The following LASP1NB variants were observed in gnomAD, a reference collection of about 807,000 sequenced individuals.
The protein encoded by LASP1NB is LASP1 neighbor, also known as LASP1 neighbor protein.
At chr17:38,929,036 C>T in the LASP1NB span, 243 of 152,246 alleles carry the variant, frequency 1.6e-3, no homozygotes, top group African/African-American at 5.7e-3. Context: ...CACTCATACA[C>T]TGGTGATATA....
chr17:38,928,210 T>C, the LASP1NB span: 2 of 152,010 alleles, frequency 1.3e-5, no homozygotes, highest in East Asian at 1.9e-4. Flanking sequence ...TTTAGGGAAG[T>C]AGAAGCAGGA....
At chr17:38,928,482 T>C in the LASP1NB span, 182 of 152,246 alleles carry the variant, frequency 1.2e-3, no homozygotes, top group African/African-American at 3.9e-3. Context: ...TGACACTTTA[T>C]AACAAAAATT....
the LASP1NB span, chr17:38,928,006 C>G: frequency 6.6e-6 from 1 of 152,168 alleles, no homozygotes; most frequent in Admixed American, 6.5e-5. Context: ...CACACCTCTG[C>G]ACTCCAGCCT....
At chr17:38,927,325 GGA>G in the LASP1NB span, 3 of 152,160 alleles carry the variant, frequency 2.0e-5, no homozygotes, top group African/African-American at 7.2e-5. Context: ...AAGTAAACAA[GGA>G]GAGTCAGGAG....
At chr17:38,927,111 T>TGTGTGC in the LASP1NB span, 4 of 142,686 alleles carry the variant, frequency 2.8e-5, no homozygotes, top group African/African-American at 1.2e-4. Context: ...TGTGTGTGTG[T>TGTGTGC]GTGTGTGCGT....
chr17:38,927,974 A>G, the LASP1NB span: 63,079 of 151,762 alleles, frequency 0.42, 13,709 homozygotes, highest in African/African-American at 0.53. Context: ...CCTGGGAGGC[A>G]GAGGTTGCAG....
At chr17:38,927,436 C>A in the LASP1NB span, 3 of 151,858 alleles carry the variant, frequency 2.0e-5, no homozygotes, top group Non-Finnish European at 4.4e-5. Flanking sequence ...CACGGTGAAA[C>A]CCCGTCTCTA....
the LASP1NB span, chr17:38,928,806 T>C: frequency 9.2e-5 from 14 of 152,234 alleles, no homozygotes; most frequent in Non-Finnish European, 7.3e-5. Context: ...AATTTCCGTC[T>C]TCAAGCCAAG....
At chr17:38,925,789 C>T in the LASP1NB span, 7 of 398,514 alleles carry the variant, frequency 1.8e-5, no homozygotes, top group South Asian at 2.5e-4. Flanking sequence ...GAGCTGCGGC[C>T]GGAGCCTGCT....
the LASP1NB span, chr17:38,927,941 C>G: frequency 6.6e-6 from 1 of 152,060 alleles, no homozygotes; most frequent in Non-Finnish European, 1.5e-5. Flanking sequence ...ACTCAGGAGG[C>G]TGAGGCAGGA....
chr17:38,927,631 A>G, the LASP1NB span: 1 of 152,140 alleles, frequency 6.6e-6, no homozygotes, highest in African/African-American at 2.4e-5. Flanking sequence ...AAATAAATAA[A>G]TAAATAAACA....
the LASP1NB span, chr17:38,929,045 T>A: frequency 6.6e-6 from 1 of 152,198 alleles, no homozygotes; most frequent in African/African-American, 2.4e-5. Context: ...ACTGGTGATA[T>A]ATACCACTGG....
chr17:38,928,194 C>T, the LASP1NB span: 1 of 152,140 alleles, frequency 6.6e-6, no homozygotes, highest in African/African-American at 2.4e-5. Context: ...GCCTATAATC[C>T]CAGCATTTAG....
chr17:38,926,000 G>A, the LASP1NB span: 1 of 357,294 alleles, frequency 2.8e-6, no homozygotes, highest in African/African-American at 2.1e-5. Context: ...CTTTCTTTGG[G>A]ACCTAATTTA....
the LASP1NB span, among the ~76,000 whole-genome samples, chr17:38,926,227 A>G: frequency 5.9e-5 from 9 of 152,188 alleles, no homozygotes; most frequent in Non-Finnish European, 1.0e-4. Flanking sequence ...GTTTACAACT[A>G]TGCTTGTATA....
chr17:38,927,338 T>TG, the LASP1NB span: 1 of 151,998 alleles, frequency 6.6e-6, no homozygotes, highest in Non-Finnish European at 1.5e-5. Flanking sequence ...GAGTCAGGAG[T>TG]GGTGGCTCAT....
chr17:38,925,677 C>T, the LASP1NB span: 2 of 398,604 alleles, frequency 5.0e-6, no homozygotes, highest in East Asian at 7.1e-5. Context: ...GGGGCTTGGT[C>T]GGCCTAGGAA....
chr17:38,929,252 T>C, the LASP1NB span: 1 of 152,216 alleles, frequency 6.6e-6, no homozygotes, highest in East Asian at 1.9e-4. Flanking sequence ...TTAAACTATT[T>C]GTATTTTGGC....
the LASP1NB span, chr17:38,929,123 AAAAT>A: frequency 6.6e-6 from 1 of 152,244 alleles, no homozygotes; most frequent in East Asian, 1.9e-4. Context: ...TGATTTTAAA[AAAAT>A]AAATCAATAC....
Sources: allele counts gnomAD v4.1 joint callset (sites outside exome capture counted in the v4.1 genomes callset), GRCh38; gene constraint gnomAD v4.1.1; transcripts MANE v1.5; gene names NCBI Gene and HGNC (gene_info 2026-07-23, HGNC 2026-07-21).